CYFIP2: variants seen among roughly 807,000 people sequenced by gnomAD.
CYFIP2 encodes the protein cytoplasmic FMR1 interacting protein 2, also known as cytoplasmic FMR1-interacting protein 2.
Under a neutral mutation model 158.7 loss-of-function variants are expected in CYFIP2, and 29 were observed. That is an observed-to-expected ratio of 0.18 (90% CI 0.14 to 0.25). The LOEUF (loss-of-function observed/expected upper bound fraction) is 0.25. CYFIP2 is among the 10% of genes least tolerant of loss of function. CYFIP2 has a pLI of 1.00. For missense variants in CYFIP2, 852 were observed against 1,639.5 expected (o/e 0.52, Z 8.29); for synonymous variants, 585 against 617.6 (o/e 0.95, Z 0.78).
At chr5:157,300,932 C>A (rs1177615741) in intron 6 of CYFIP2, 36 bp downstream of exon 6, 5 of 1,498,312 alleles carry the variant, frequency 3.3e-6, no homozygotes, top group African/African-American at 2.8e-5. Flanking sequence ...TTTCCCCATC[C>A]AGGCCCCTCC....
At chr5:157,368,826 G>C (rs537503161) in intron 26 of CYFIP2, among the ~76,000 whole-genome samples, 1 of 151,734 alleles carries the variant, frequency 6.6e-6, no homozygotes, top group African/African-American at 2.4e-5. Flanking sequence ...CCCACCTGCC[G>C]GTTGTCAGCA....
chr5:157,304,386 G>C lies in CYFIP2; in HGVS notation c.795+20G>C. The C allele has an allele frequency of 6.2e-7, 1 of 1,608,744 alleles. No homozygotes were observed. Among genetic ancestry groups the C allele is most frequent in the African/African-American group, 1.3e-5 (1 of 74,826 alleles). On this transcript the variant is annotated intron_variant, in intron 8 of 30. Coordinates refer to ENST00000620254, the MANE Select transcript of CYFIP2 (RefSeq NM_001037333.3). Reference sequence around the variant, plus strand: ...CTCAAGGTAAAACTCCCCTGAGGCCGCACCCATGGAGCCTGGGCTTACCCT... The same window carrying C: ...CTCAAGGTAAAACTCCCCTGAGGCCCCACCCATGGAGCCTGGGCTTACCCT...
chr5:157,277,223 G>A (rs1756625743), intron 1 of CYFIP2: 1 of 152,074 alleles, frequency 6.6e-6, no homozygotes, highest in South Asian at 2.1e-4. Flanking sequence ...TAGGGATGAG[G>A]TTTCACCATG....
intron 15 of CYFIP2, among the ~76,000 whole-genome samples, chr5:157,321,496 GA>G (rs141119096): frequency 6.6e-6 from 1 of 151,938 alleles, no homozygotes; most frequent in Non-Finnish European, 1.5e-5. Context: ...TAACGTTACA[GA>G]AAAAAAAGTC....
chr5:157,328,500 G>C (rs73815835), intron 19 of CYFIP2, among the ~76,000 whole-genome samples: 2 of 152,224 alleles, frequency 1.3e-5, no homozygotes, highest in Non-Finnish European at 2.9e-5. Flanking sequence ...AGGACCCTGC[G>C]GTGGGAGTAT....
intron 3 of CYFIP2, chr5:157,288,503 G>A (rs1757571462): frequency 2.3e-6 from 1 of 432,842 alleles, no homozygotes; most frequent in Admixed American, 2.5e-5. Flanking sequence ...AGAGGACTGT[G>A]TAAATGCTGG....
chr5:157,298,849 A>G (rs910135305), intron 5 of CYFIP2, among the ~76,000 whole-genome samples: 1 of 152,174 alleles, frequency 6.6e-6, no homozygotes, highest in Non-Finnish European at 1.5e-5. Flanking sequence ...GGCTCTCTTC[A>G]GTTAGCATTA....
At chr5:157,287,189 C>A in intron 3 of CYFIP2, 81 bp downstream of exon 3, 1 of 1,112,524 alleles carries the variant, frequency 9.0e-7, no homozygotes, top group Non-Finnish European at 1.4e-6. Flanking sequence ...ACACCAGAGG[C>A]ATGTGCTCAG....
chr5:157,372,107 T>C (rs975172228), intron 26 of CYFIP2, among the ~76,000 whole-genome samples: 26 of 152,190 alleles, frequency 1.7e-4, no homozygotes, highest in African/African-American at 6.3e-4. Context: ...TTATTCACAC[T>C]TTGGAAAACT....
At chr5:157,337,277 A>T (rs1174880138) in intron 21 of CYFIP2, among the ~76,000 whole-genome samples, 1 of 152,170 alleles carries the variant, frequency 6.6e-6, no homozygotes, top group Non-Finnish European at 1.5e-5. Flanking sequence ...CTGGAAACTT[A>T]TTCCTCCGAT....
chr5:157,333,350 G>A lies in CYFIP2; in HGVS notation c.2289G>A (p.Leu763=). Residue 763 remains leucine, a synonymous_variant, in exon 21 of 31, where the codon TTG becomes TTA. Coordinates refer to ENST00000620254, the MANE Select transcript of CYFIP2 (RefSeq NM_001037333.3). The part of the protein sequence containing the change: ...HVQLLGRSID[L]NRLITQRISA... ...AGCTGTTGGGTAGATCAATTGACTTGAACAGACTCATTACCCAGCGCATCT... is the reference window on the plus strand; with the variant it reads ...AGCTGTTGGGTAGATCAATTGACTTAAACAGACTCATTACCCAGCGCATCT... 1 of 1,613,942 alleles carries A rather than the reference G, an allele frequency of 6.2e-7. No homozygotes were observed. The highest frequency in any genetic ancestry group is 2.2e-5 in the East Asian group (1 of 44,874).
At chr5:157,345,564 T>A (rs1355095702) in intron 23 of CYFIP2, 1 of 152,694 alleles carries the variant, frequency 6.5e-6, no homozygotes, top group Non-Finnish European at 1.5e-5. Flanking sequence ...CGTGTCTGGT[T>A]AGAGCTCTGC....
rs375356498 is a variant in CYFIP2, at chr5:157,341,055, C to G, written c.2586-15C>G. On this transcript the variant is annotated splice_polypyrimidine_tract_variant and intron_variant, in intron 22 of 30. Coordinates refer to ENST00000620254, the MANE Select transcript of CYFIP2 (RefSeq NM_001037333.3). ...GGACCATATTAACTCTTTCCCATCC[C>G]TATGCTTCTACTAGTTTTGTGCGGA... is the stretch of plus-strand genomic sequence containing the variant. 9 of 1,611,896 alleles carry G rather than the reference C, an allele frequency of 5.6e-6. No homozygotes were observed. The highest frequency in any genetic ancestry group is 7.6e-6 in the Non-Finnish European group (9 of 1,178,094).
intron 15 of CYFIP2, among the ~76,000 whole-genome samples, chr5:157,321,346 C>G (rs967789870): frequency 6.6e-6 from 1 of 152,192 alleles, no homozygotes; most frequent in Non-Finnish European, 1.5e-5. Context: ...ACAAAATATT[C>G]CTTAGTTCCA....
chr5:157,278,250 C>CT (rs1160799340), intron 1 of CYFIP2, among the ~76,000 whole-genome samples: 1 of 151,776 alleles, frequency 6.6e-6, no homozygotes, highest in East Asian at 1.9e-4. Flanking sequence ...TGTACGTATA[C>CT]TTATATAGCC....
intron 8 of CYFIP2, among the ~76,000 whole-genome samples, chr5:157,307,548 A>C (rs1164997963): frequency 2.0e-5 from 3 of 152,144 alleles, no homozygotes; most frequent in Non-Finnish European, 4.4e-5. Context: ...GTAGTAATAC[A>C]CTAAATTTCT....
At chr5:157,314,925 G>C (rs145884929) in intron 12 of CYFIP2, 44 bp from the exon 13 acceptor site, 2 of 1,453,698 alleles carry the variant, frequency 1.4e-6, no homozygotes, top group East Asian at 2.5e-5. Context: ...CTGTTTGTCC[G>C]TTCATCAGTT....
intron 23 of CYFIP2, among the ~76,000 whole-genome samples, chr5:157,353,229 G>C (rs1053232105): frequency 6.6e-6 from 1 of 152,348 alleles, no homozygotes; most frequent in East Asian, 1.9e-4. Flanking sequence ...ATACTTGTGT[G>C]TCATCACATG....
In CYFIP2 at chr5:157,359,088, C is replaced by T. The variant is rs751738375; in HGVS notation, c.2757C>T (p.Leu919=). The stretch of plus-strand genomic sequence containing the variant: ...CTCATTTCAAGACTATCTGCAGACT[C>T]CTGGGTTATCAGGGCATCGCTGTGG... The part of the protein sequence containing the change: ...GPPHFKTICR[L]LGYQGIAVVM... The change falls in exon 24 of 31, where the codon CTC becomes CTT. Residue 919 remains leucine (L), a synonymous_variant. Transcript: ENST00000620254. The T allele has an allele frequency of 1.2e-6, 2 of 1,613,892 alleles. No homozygotes were observed. The highest frequency in any genetic ancestry group is 1.7e-5 in the Admixed American group (1 of 60,000).
Sources: allele counts gnomAD v4.1 joint callset (sites outside exome capture counted in the v4.1 genomes callset), GRCh38; gene constraint gnomAD v4.1.1; transcripts MANE v1.5; gene names NCBI Gene and HGNC (gene_info 2026-07-23, HGNC 2026-07-21).